SMG7: variants seen among roughly 807,000 people sequenced by gnomAD.
The protein encoded by SMG7 is SMG7 nonsense mediated mRNA decay factor, also known as nonsense-mediated mRNA decay factor SMG7.
SMG7 carries 34 observed loss-of-function variants against 148.2 expected under a neutral mutation model. That is an observed-to-expected ratio of 0.23 (90% CI 0.17 to 0.31). SMG7 has a LOEUF of 0.31. Among genes scored for constraint, SMG7 ranks in the 10% least tolerant of loss-of-function variants. The pLI is 1.00. For synonymous variants in SMG7, 492 were observed against 515.1 expected, an observed-to-expected ratio of 0.96 and a Z score of 0.61; for missense variants, 1,114 against 1,408.4, an observed-to-expected ratio of 0.79 and a Z score of 3.35.
At chr1:183,487,312 A>G (rs1219244166) in intron 1 of SMG7, among the ~76,000 whole-genome samples, 2 of 151,860 alleles carry the variant, frequency 1.3e-5, no homozygotes, top group East Asian at 1.9e-4. Flanking sequence ...TCTATATTCT[A>G]CTTCCCCCAC....
intron 1 of SMG7, among the ~76,000 whole-genome samples, chr1:183,477,119 A>G (rs1038314022): frequency 1.3e-5 from 2 of 152,204 alleles, no homozygotes; most frequent in Admixed American, 6.5e-5. Flanking sequence ...TTGGAAGATG[A>G]GAAAGTAGAA....
chr1:183,540,049 AT>A (rs1362855959), intron 12 of SMG7, among the ~76,000 whole-genome samples: 8 of 151,986 alleles, frequency 5.3e-5, no homozygotes, highest in Non-Finnish European at 8.8e-5. Context: ...ATTTTCTTCC[AT>A]TTCCCCCAGT....
intron 10 of SMG7, among the ~76,000 whole-genome samples, chr1:183,535,431 G>A (rs1034118962): frequency 2.6e-5 from 4 of 152,036 alleles, no homozygotes; most frequent in African/African-American, 7.2e-5. Flanking sequence ...GCCCTTGTAG[G>A]TGTTTGATTC....
At chr1:183,495,181 C>A (rs1557968402) in intron 1 of SMG7, among the ~76,000 whole-genome samples, 1 of 151,836 alleles carries the variant, frequency 6.6e-6, no homozygotes, top group East Asian at 1.9e-4. Flanking sequence ...CTCCTTTTAT[C>A]ATTGTTTTTC....
At position 183,529,449 on chromosome 1, in the gene SMG7, T is replaced by C. The variant is rs1334079595; in HGVS notation, c.759T>C (p.Phe253=). 6.2e-7 allele frequency: 1 copy of C among 1,613,484 alleles called. No homozygotes were observed. The highest frequency in any genetic ancestry group is 2.2e-5 in the East Asian group (1 of 44,848). Residue 253 remains phenylalanine, a synonymous_variant, in exon 8 of 23, where the codon TTT becomes TTC. Transcript: ENST00000688051. ...GTGTTTCTGACTTCATCAAGGCCTT[T>C]ATTAAATTCCACGGTCATGTGTACC... The part of the protein sequence containing the change: ...KWGVSDFIKA[F]IKFHGHVYLS...
rs1670661069 is a variant in SMG7, at chr1:183,549,864, C to T, written c.3074C>T (p.Thr1025Ile). 1 of 1,613,794 alleles carries T rather than the reference C, an allele frequency of 6.2e-7. No individual in the cohort carries two copies. Among genetic ancestry groups the T allele is most frequent in the Non-Finnish European group, 8.5e-7 (1 of 1,179,818 alleles). ...ELSPSMAPQE[T>I]SLYSLFEGTP... is the part of the protein sequence containing the mutation. Reference sequence around the variant, plus strand: ...AGTCCCTCAATGGCCCCCCAGGAAACATCTCTGTATTCCCTTTTTGAAGGG... The same window carrying T: ...AGTCCCTCAATGGCCCCCCAGGAAATATCTCTGTATTCCCTTTTTGAAGGG... Residue 1025 changes from threonine (T) to isoleucine (I), a missense_variant, in exon 20 of 23, where the codon ACA becomes ATA. Physicochemically the swap from Thr to Ile is moderately conservative, Grantham distance 89. This residue lies in a region of SMG7 where 788 missense variants were observed against 894.5 expected (regional missense o/e 0.88). Coordinates refer to ENST00000688051, the MANE Select transcript of SMG7 (RefSeq NM_001375584.1).
chr1:183,542,603 GT>G, intron 14 of SMG7, 101 bp downstream of exon 14: 4 of 901,136 alleles, frequency 4.4e-6, no homozygotes, highest in Non-Finnish European at 6.8e-6. Context: ...CGTCCTGGAA[GT>G]TTAAATGCAT....
Position 183,552,212 on chromosome 1 carries a change from C to T in SMG7, c.*281C>T, listed in dbSNP as rs72731473. 3.7e-3 allele frequency: 3,965 copies of T among 1,080,496 alleles called. 7 individuals are homozygous for T. Among genetic ancestry groups the T allele is most frequent in the Non-Finnish European group, 4.1e-3 (3,693 of 890,134 alleles). The allele number at this position is 1,080,496 out of a possible 1,614,324, so 66.9% of individuals were successfully genotyped here. On this transcript the variant is annotated 3_prime_UTR_variant, in exon 23 of 23. Transcript: ENST00000688051. ...TCAGTTACTTGGTATCACCGCCTCTCACCTTCTCCATCGTGCATGTCCCCA... is the reference window on the plus strand; with the variant it reads ...TCAGTTACTTGGTATCACCGCCTCTTACCTTCTCCATCGTGCATGTCCCCA...
At chr1:183,533,865 GTGC>G in intron 10 of SMG7, 33 bp downstream of exon 10, 1 of 1,574,244 alleles carries the variant, frequency 6.4e-7, no homozygotes, top group South Asian at 1.1e-5. Context: ...GTTAACTTGT[GTGC>G]TTTGTTTGTT....
chr1:183,498,142 C>G (rs1658950445), intron 1 of SMG7, among the ~76,000 whole-genome samples: 1 of 152,182 alleles, frequency 6.6e-6, no homozygotes, highest in Non-Finnish European at 1.5e-5. Flanking sequence ...AGTTAATTAA[C>G]TTGTCCATCT....
chr1:183,530,177 C>G (rs1048179654), intron 8 of SMG7, among the ~76,000 whole-genome samples: 3 of 152,056 alleles, frequency 2.0e-5, no homozygotes, highest in Non-Finnish European at 1.5e-5. Context: ...GTTTTAGGCA[C>G]TGTGTTAAAC....
chr1:183,523,970 T>C (rs1282225855), intron 4 of SMG7, among the ~76,000 whole-genome samples: 2 of 151,080 alleles, frequency 1.3e-5, no homozygotes, highest in Non-Finnish European at 3.0e-5. Flanking sequence ...TATTTACATA[T>C]ATATATTTTT....
chr1:183,524,373 G>C (rs1405063396), intron 4 of SMG7, among the ~76,000 whole-genome samples: 1 of 152,076 alleles, frequency 6.6e-6, no homozygotes, highest in East Asian at 1.9e-4. Flanking sequence ...CTTCCGCCTT[G>C]ACCTCCCAAA....
chr1:183,488,430 C>T (rs1656049494), intron 1 of SMG7, among the ~76,000 whole-genome samples: 1 of 152,070 alleles, frequency 6.6e-6, no homozygotes, highest in Non-Finnish European at 1.5e-5. Flanking sequence ...TGGCTTTTCT[C>T]TTTTCACTCC....
At chr1:183,540,378 C>T (rs1219291261) in intron 12 of SMG7, among the ~76,000 whole-genome samples, 1 of 150,784 alleles carries the variant, frequency 6.6e-6, no homozygotes, top group East Asian at 1.9e-4. Flanking sequence ...TCTTTGTGTC[C>T]TCAGCATCTA....
At chr1:183,494,471 C>T (rs1474100174) in intron 1 of SMG7, among the ~76,000 whole-genome samples, 5 of 149,790 alleles carry the variant, frequency 3.3e-5, no homozygotes, top group African/African-American at 7.3e-5. Context: ...TTCTGGCACT[C>T]GTCATCTCTT....
At chr1:183,505,362 C>T (rs1660671840) in intron 1 of SMG7, among the ~76,000 whole-genome samples, 1 of 152,174 alleles carries the variant, frequency 6.6e-6, no homozygotes, top group African/African-American at 2.4e-5. Flanking sequence ...GACTACTCTT[C>T]CTTTTTGTTC....
rs1666108582 is a variant in SMG7, at chr1:183,527,599, T to C, written c.485-357T>C. The stretch of plus-strand genomic sequence containing the variant: ...ATAATTTTCAGATCATATTGTATAG[T>C]GTATTTTGTTTTGTTTTGTTTTTAA... On this transcript the variant is annotated intron_variant, in intron 5 of 22. Coordinates refer to ENST00000688051, the MANE Select transcript of SMG7 (RefSeq NM_001375584.1). This position sits in a 1 kb window ranked among gnomAD's most constrained non-coding sequence, Gnocchi z 4.0. The C allele has an allele frequency of 2.1e-6, 1 of 474,324 alleles. No individual in the cohort carries two copies. Among genetic ancestry groups the C allele is most frequent in the African/African-American group, 2.0e-5 (1 of 50,240 alleles). The allele number at this position is 474,324 out of a possible 1,614,324, so 29.4% of individuals were successfully genotyped here.
chr1:183,536,152 A>T (rs1572042374), intron 10 of SMG7, among the ~76,000 whole-genome samples: 1 of 152,084 alleles, frequency 6.6e-6, no homozygotes, highest in Admixed American at 6.6e-5. Flanking sequence ...TGGTTGATAC[A>T]TATTCAGAGG....
Sources: allele counts gnomAD v4.1 joint callset (sites outside exome capture counted in the v4.1 genomes callset), GRCh38; gene constraint gnomAD v4.1.1; regional missense constraint gnomAD v4.1.1; non-coding constraint Gnocchi (gnomAD v3.1); transcripts MANE v1.5; gene names NCBI Gene and HGNC (gene_info 2026-07-23, HGNC 2026-07-21).